The following LEPR variants were observed in gnomAD, a reference collection of about 807,000 sequenced individuals.
LEPR encodes the protein leptin receptor.
LEPR carries 56 observed loss-of-function variants against 114.7 expected under a neutral mutation model. That is an observed-to-expected ratio of 0.49 (90% confidence interval 0.39 to 0.61). LEPR has a LOEUF of 0.61. LEPR is among the 20% of genes least tolerant of loss of function. The pLI is 0.00. For synonymous variants in LEPR, 443 were observed against 461.4 expected (o/e 0.96, Z 0.51); for missense variants, 1,202 against 1,352.9 (o/e 0.89, Z 1.75).
intron 2 of LEPR, among the ~76,000 whole-genome samples, chr1:65,477,282 G>A (rs563256018): frequency 5.3e-5 from 8 of 151,868 alleles, no homozygotes; most frequent in South Asian, 2.1e-4. Context: ...CCACCTCCCC[G>A]TGGCCCCACT....
Position 65,420,753 on chromosome 1 carries a change from C to T in LEPR, c.-97+13C>T, listed in dbSNP as rs1343970257. Reference sequence around the variant, plus strand: ...GCGGGCGTTAAAGGTACATCGCGGTCCCCGGCTCGCTTGTCGTGTGGTGGG... The same window carrying T: ...GCGGGCGTTAAAGGTACATCGCGGTTCCCGGCTCGCTTGTCGTGTGGTGGG... On this transcript the variant is annotated intron_variant, in intron 1 of 19. Coordinates refer to ENST00000349533, the MANE Select transcript of LEPR (RefSeq NM_002303.6). 2.5e-6 allele frequency: 4 copies of T among 1,578,352 alleles called. No homozygotes were observed. Among genetic ancestry groups the T allele is most frequent in the East Asian group, 2.3e-5 (1 of 43,050 alleles).
Position 65,571,810 on chromosome 1 carries a change from A to T in LEPR, c.371-516A>T, listed in dbSNP as rs1245386988. Among the ~76,000 whole-genome samples the T allele has an allele frequency of 3.0e-4, 45 of 148,710 alleles. 1 individual carries two copies. Among genetic ancestry groups the T allele is most frequent in the Admixed American group, 5.4e-4 (8 of 14,918 alleles). On this transcript the variant is annotated intron_variant, in intron 4 of 19. Transcript: ENST00000349533. ...CTCTACCAAAAAAAAAAAAAAAAAAAAAAAAAAAAATTAACTGGGCATGGT... is the reference window on the plus strand; with the variant it reads ...CTCTACCAAAAAAAAAAAAAAAAAATAAAAAAAAAATTAACTGGGCATGGT...
intron 2 of LEPR, among the ~76,000 whole-genome samples, chr1:65,475,952 G>A (rs536783507): frequency 6.6e-6 from 1 of 151,736 alleles, no homozygotes; most frequent in Non-Finnish European, 1.5e-5. Flanking sequence ...AGGAGGTTGA[G>A]TCTGCAGTGA....
chr1:65,514,629 T>C lies in LEPR; in HGVS notation c.-20-50917T>C, dbSNP rs535166728. Among the ~76,000 whole-genome samples, 172 of 152,382 alleles carry C rather than the reference T, an allele frequency of 1.1e-3. 2 individuals are homozygous for C. The highest frequency in any genetic ancestry group is 4.1e-3 in the African/African-American group (169 of 41,604). On this transcript the variant is annotated intron_variant, in intron 2 of 19. Transcript: ENST00000349533. ...TATATTTTAAAATCCATTTAGATTA[T>C]GCTGAATATATAATTCCTATAATAT...
intron 2 of LEPR, among the ~76,000 whole-genome samples, chr1:65,496,236 A>G (rs1381598022): frequency 6.6e-6 from 1 of 152,166 alleles, no homozygotes. Flanking sequence ...ACTTTACCCC[A>G]AAGATAATTA....
intron 19 of LEPR, among the ~76,000 whole-genome samples, chr1:65,628,139 A>T (rs1021876427): frequency 1.3e-5 from 2 of 152,168 alleles, no homozygotes; most frequent in Non-Finnish European, 2.9e-5. Flanking sequence ...TATGCCAGAC[A>T]TTGCTAACAA....
chr1:65,435,366 C>CTTTTTTTTTTT (rs60757318), intron 2 of LEPR: 14 of 726,186 alleles, frequency 1.9e-5, no homozygotes, highest in African/African-American at 7.4e-5. Flanking sequence ...CTTTTCTTTT[C>CTTTTTTTTTTT]TTTTTTTTTT....
Position 65,635,211 on chromosome 1 carries a change from G to T in LEPR, c.2674-980G>T, listed in dbSNP as rs1365693661. 4 of 965,404 alleles carry T rather than the reference G, an allele frequency of 4.1e-6. No individual in the cohort carries two copies. In the East Asian group the frequency reaches 4.6e-4, roughly 112 times the overall value. The allele number at this position is 965,404 out of a possible 1,614,324, so 59.8% of individuals were successfully genotyped here. A position where few individuals can be genotyped will look rare whatever the true frequency, so the allele number is the denominator to read the frequency against. On this transcript the variant is annotated intron_variant, in intron 19 of 19. Coordinates refer to ENST00000349533, the MANE Select transcript of LEPR (RefSeq NM_002303.6). ...TTGTAAAATTCAAGTTAAATGACGT[G>T]TATGATATATAAGCTGAACACATTT...
intron 2 of LEPR, among the ~76,000 whole-genome samples, chr1:65,467,223 G>C (rs1261561531): frequency 6.6e-6 from 1 of 152,146 alleles, no homozygotes; most frequent in Non-Finnish European, 1.5e-5. Flanking sequence ...TGGTGTAGCT[G>C]TCCTTTTTGT....
intron 2 of LEPR, chr1:65,435,125 C>T: frequency 5.1e-6 from 5 of 985,388 alleles, no homozygotes. Context: ...AGGGAAAATC[C>T]TGTCATACCT....
At chr1:65,465,834 A>G (rs1206460835) in intron 2 of LEPR, among the ~76,000 whole-genome samples, 4 of 151,974 alleles carry the variant, frequency 2.6e-5, no homozygotes, top group Non-Finnish European at 5.9e-5. Context: ...TTTATCGGAG[A>G]CTAGGATTGC....
intron 2 of LEPR, chr1:65,526,102 G>C: frequency 3.1e-6 from 3 of 969,360 alleles, no homozygotes; most frequent in African/African-American, 1.9e-5. Flanking sequence ...GAACCTGCTC[G>C]GGACCACCGA....
intron 19 of LEPR, chr1:65,635,278 T>G: frequency 1.0e-6 from 1 of 981,922 alleles, no homozygotes; most frequent in Non-Finnish European, 1.2e-6. Context: ...TTCAAGGTGA[T>G]GTATCAACAG....
At chr1:65,433,329 T>C (rs1248208193) in intron 2 of LEPR, 2 of 985,450 alleles carry the variant, frequency 2.0e-6, no homozygotes, top group Non-Finnish European at 2.4e-6. Flanking sequence ...GTCTTTTCTA[T>C]ATAACTTTAT....
intron 2 of LEPR, chr1:65,526,183 C>T: frequency 1.0e-6 from 1 of 984,440 alleles, no homozygotes; most frequent in Non-Finnish European, 1.2e-6. Flanking sequence ...GGACTGCCAC[C>T]TAAAACAGTA....
intron 2 of LEPR, among the ~76,000 whole-genome samples, chr1:65,473,165 T>C (rs1194020818): frequency 6.6e-6 from 1 of 152,232 alleles, no homozygotes; most frequent in Non-Finnish European, 1.5e-5. Flanking sequence ...TATGCATTGT[T>C]TGTAACACTT....
At chr1:65,526,791 G>A (rs866535277) in intron 2 of LEPR, among the ~76,000 whole-genome samples, 1 of 151,972 alleles carries the variant, frequency 6.6e-6, no homozygotes, top group Non-Finnish European at 1.5e-5. Flanking sequence ...GAATATCTAA[G>A]GTATGCCCCA....
chr1:65,614,783 A>G (rs1657423142), intron 14 of LEPR, among the ~76,000 whole-genome samples: 1 of 152,166 alleles, frequency 6.6e-6, no homozygotes. Flanking sequence ...CATTTTCTTG[A>G]TTTGTAAGGT....
intron 4 of LEPR, among the ~76,000 whole-genome samples, chr1:65,571,324 A>G (rs1654134172): frequency 6.6e-6 from 1 of 152,136 alleles, no homozygotes; most frequent in Non-Finnish European, 1.5e-5. Flanking sequence ...CTGCACATGT[A>G]CCCCTGAACT....
Sources: allele counts gnomAD v4.1 joint callset (sites outside exome capture counted in the v4.1 genomes callset), GRCh38; gene constraint gnomAD v4.1.1; transcripts MANE v1.5; gene names NCBI Gene and HGNC (gene_info 2026-07-23, HGNC 2026-07-21).